HRNR: variants seen among roughly 807,000 people sequenced by gnomAD.
HRNR encodes hornerin, also known as filaggrin family member 3.
In HRNR, 7 loss-of-function variants were observed where a neutral mutation model predicts 4.8. That is an observed-to-expected ratio of 1.47 (90% confidence interval 0.83 to 2.75). The LOEUF (loss-of-function observed/expected upper bound fraction) is 2.75, where lower values mean the gene tolerates loss of function less well. Ranked by LOEUF, HRNR falls within the 30% of genes most tolerant of loss-of-function variation. HRNR has a pLI of 0.00. For missense variants in HRNR, 2,879 were observed against 3,010.4 expected (o/e 0.96, Z 1.02); for synonymous variants, 1,023 against 1,242.7 (o/e 0.82, Z 3.72).
chr1:152,222,537 GAC>G (rs1448581012), intron 2 of HRNR, among the ~76,000 whole-genome samples: 1 of 152,140 alleles, frequency 6.6e-6, no homozygotes, highest in Non-Finnish European at 1.5e-5. Flanking sequence ...CTGAGAGAGA[GAC>G]AATAAAAAAT....
At position 152,218,973 on chromosome 1, in the gene HRNR, C is replaced by T. The variant is rs773876409; in HGVS notation, c.2656G>A (p.Gly886Arg). The change falls in exon 3 of 3, where the codon GGA becomes AGA. Residue 886 changes from glycine to arginine, a missense_variant. Gly to Arg is a moderately radical substitution (Grantham distance 125, BLOSUM62 -2). This residue lies in a region of HRNR where 2,646 missense variants were observed against 1,377.7 expected (regional missense o/e 1.92). Coordinates refer to ENST00000368801, the MANE Select transcript of HRNR (RefSeq NM_001009931.3). ...HASGRGRHGS[G>R]SGQSPGHGQR... is the part of the protein sequence containing the mutation. ...CCGTGGCCTGGAGACTGGCCAGATC[C>T]AGAGCCATGTCGGCCGCGGCCCGAA... 21 of 1,608,576 alleles carry T rather than the reference C, an allele frequency of 1.3e-5. No individual in the cohort carries two copies. In the East Asian group the frequency reaches 2.0e-4, roughly 15 times the overall value.
In HRNR at chr1:152,220,532, G is replaced by T. The variant is rs1320029422; in HGVS notation, c.1097C>A (p.Ser366Tyr). Residue 366 changes from serine (S) to tyrosine (Y), a missense_variant, in exon 3 of 3, where the codon TCT (serine) becomes TAT (tyrosine). Physicochemically the swap from Ser to Tyr is moderately radical, Grantham distance 144. Around this residue, in one of 8 missense-constraint regions of HRNR, gnomAD observed 2,646 missense variants for 1,377.7 expected, o/e 1.92. Transcript: ENST00000368801. Reference protein sequence around the residue: ...GQSSGYSKHGSGSGHSSSQGQ... With the variant: ...GQSSGYSKHGYGSGHSSSQGQ... ...CTGGCTAGAGGAGTGACCTGAGCCA[G>T]AACCATGCTTACTATAGCCAGAGGA... The T allele has an allele frequency of 1.2e-6, 2 of 1,611,768 alleles. No homozygotes were observed. The highest frequency in any genetic ancestry group is 1.7e-5 in the Admixed American group (1 of 59,910).
intron 2 of HRNR, among the ~76,000 whole-genome samples, 180 bp downstream of exon 2, chr1:152,222,936 G>A (rs1488393296): frequency 1.3e-5 from 2 of 152,164 alleles, no homozygotes; most frequent in African/African-American, 4.8e-5. Context: ...ACTTCCGTTA[G>A]TTATGCTATG....
chr1:152,223,457 G>C (rs995421256), intron 1 of HRNR, among the ~76,000 whole-genome samples, 179 bp from the exon 2 acceptor site: 2 of 152,236 alleles, frequency 1.3e-5, no homozygotes, highest in African/African-American at 4.8e-5. Context: ...TGTAGCAAGA[G>C]AGTGATGAAA....
rs1351654581 is a variant in HRNR at position 152,220,621 on chromosome 1, G to T, written c.1008C>A (p.Gly336=). The T allele has an allele frequency of 1.2e-6, 2 of 1,612,390 alleles. No homozygotes were observed. Among genetic ancestry groups the T allele is most frequent in the Non-Finnish European group, 8.5e-7 (1 of 1,178,950 alleles). Residue 336 remains glycine (G), a synonymous_variant, in exon 3 of 3, where the codon GGC becomes GGA. Transcript: ENST00000368801. ...TCTGGCCTGAGCCAGACTCATAATG[G>T]CCACGGCTGTAAGAGTAACTTGAGC... ...GSGSSYSYSR[G]HYESGSGQTS... is the part of the protein sequence containing the mutation.
In HRNR at chr1:152,218,766, A is replaced by T; in HGVS notation, c.2863T>A (p.Ser955Thr). ...TQHGSGSGHS[S>T]SYEQHGSRSG... is the part of the protein sequence containing the mutation. ...CTAGAGCCGTGTTGTTCGTAGCTGG[A>T]GGAGTGACCTGAGCCAGATCCATGC... The change falls in exon 3 of 3, where the codon TCC becomes ACC. Residue 955 changes from serine to threonine, a missense_variant. Transcript: ENST00000368801. 2 of 1,613,896 alleles carry T rather than the reference A, an allele frequency of 1.2e-6. No homozygotes were observed. Among genetic ancestry groups the T allele is most frequent in the Non-Finnish European group, 1.7e-6 (2 of 1,179,998 alleles).
In HRNR at chr1:152,218,427, A is replaced by T. The variant is rs1186036807; in HGVS notation, c.3202T>A (p.Ser1068Thr). 5 of 1,613,320 alleles carry T rather than the reference A, an allele frequency of 3.1e-6. No individual in the cohort carries two copies. The highest frequency in any genetic ancestry group is 4.2e-6 in the Non-Finnish European group (5 of 1,179,988). ...GQSSGYGQHG[S>T]SSGHSSTHGQ... is the part of the protein sequence containing the mutation. Reference sequence around the variant, plus strand: ...TGGGTAGAGGAATGACCTGAGCTAGATCCATGTTGACCGTAGCCAGAGGAC... The same window carrying T: ...TGGGTAGAGGAATGACCTGAGCTAGTTCCATGTTGACCGTAGCCAGAGGAC... Residue 1068 changes from serine to threonine, a missense_variant, in exon 3 of 3, where the codon TCT becomes ACT. By Grantham distance (58) the Ser-to-Thr change is moderately conservative. Transcript: ENST00000368801.
At position 152,219,066 on chromosome 1, in the gene HRNR, C is replaced by T. The variant is rs202201629; in HGVS notation, c.2563G>A (p.Gly855Ser). 1.2e-4 allele frequency: 189 copies of T among 1,613,424 alleles called. No individual in the cohort carries two copies. Among genetic ancestry groups the T allele is most frequent in the East Asian group, 3.8e-4 (17 of 44,834 alleles). ...GSTSGQSSSSGQHDSSSGQSS... is the reference protein window; with the variant it reads ...GSTSGQSSSSSQHDSSSGQSS... ...TGACCTGAGCTAGAGTCATGTTGGC[C>T]GGAGCTTGATGACTGCCCTGACGTA... Residue 855 changes from glycine (G) to serine (S), a missense_variant, in exon 3 of 3, where the codon GGC becomes AGC. Transcript: ENST00000368801.
Position 152,219,259 on chromosome 1 carries a change from G to C in HRNR, c.2370C>G (p.Ser790Arg), listed in dbSNP as rs374698370. 94 of 1,613,258 alleles carry C rather than the reference G, an allele frequency of 5.8e-5. No homozygotes were observed. The African/African-American group carries it at 1.2e-3, about 20-fold the overall frequency. Residue 790 changes from serine to arginine, a missense_variant, in exon 3 of 3, where the codon AGC becomes AGG. Ser to Arg is a moderately radical substitution (Grantham distance 110). This residue lies in a region of HRNR where 2,646 missense variants were observed against 1,377.7 expected (regional missense o/e 1.92). Coordinates refer to ENST00000368801, the MANE Select transcript of HRNR (RefSeq NM_001009931.3). ...TTGTGCCAGACCCGTGTTGGCCGTGGCTGGAGGAGTGCCCTGAACTGGACC... is the reference window on the plus strand; with the variant it reads ...TTGTGCCAGACCCGTGTTGGCCGTGCCTGGAGGAGTGCCCTGAACTGGACC... ...RHGSSSGHSS[S>R]HGQHGSGTSC...
rs759584957 is a variant in HRNR at position 152,219,325 on chromosome 1, T to G, written c.2304A>C (p.Gln768His). ...GSHQSSGHGR[Q>H]GSGSGHSPSR... ...TAGGAGAGTGGCCAGATCCAGACCCTTGTCGGCCGTGGCCCGAAGATTGAT... is the reference window on the plus strand; with the variant it reads ...TAGGAGAGTGGCCAGATCCAGACCCGTGTCGGCCGTGGCCCGAAGATTGAT... Residue 768 changes from glutamine (Q) to histidine (H), a missense_variant, in exon 3 of 3, where the codon CAA (glutamine) becomes CAC (histidine). Transcript: ENST00000368801. 6.3e-7 allele frequency: 1 copy of G among 1,597,074 alleles called. No individual in the cohort carries two copies. Among genetic ancestry groups the G allele is most frequent in the Non-Finnish European group, 8.5e-7 (1 of 1,174,174 alleles).
At chr1:152,223,835 AC>A (rs1649082469) in intron 1 of HRNR, among the ~76,000 whole-genome samples, 1 of 152,184 alleles carries the variant, frequency 6.6e-6, no homozygotes, top group Non-Finnish European at 1.5e-5. Flanking sequence ...GCAGGAAGTG[AC>A]CCTCAGACCT....
At position 152,219,536 on chromosome 1, in the gene HRNR, G is replaced by A; in HGVS notation, c.2093C>T (p.Ser698Phe). 1 of 1,613,936 alleles carries A rather than the reference G, an allele frequency of 6.2e-7. No individual in the cohort carries two copies. The highest frequency in any genetic ancestry group is 8.5e-7 in the Non-Finnish European group (1 of 1,180,008). The change falls in exon 3 of 3, where the codon TCT becomes TTT. Residue 698 changes from serine (S) to phenylalanine (F), a missense_variant. By Grantham distance (155) the Ser-to-Phe change is radical. Around this residue, in one of 8 missense-constraint regions of HRNR, gnomAD observed 2,646 missense variants for 1,377.7 expected, o/e 1.92. Coordinates refer to ENST00000368801, the MANE Select transcript of HRNR (RefSeq NM_001009931.3). ...NGPHGSVSGQ[S>F]SGFGHKSGSG... is the part of the protein sequence containing the mutation. ...GCCAGACTTGTGACCAAAGCCGGAA[G>A]ACTGGCCTGAGACAGACCCATGTGG...
In HRNR at chr1:152,219,305, G is replaced by T; in HGVS notation, c.2324C>A (p.Ser775Tyr). The change falls in exon 3 of 3, where the codon TCT becomes TAT. Residue 775 changes from serine to tyrosine, a missense_variant. Ser to Tyr is a moderately radical substitution (Grantham distance 144). Transcript: ENST00000368801. Reference sequence around the variant, plus strand: ...GGACCCATGTCGGACACGGCTAGGAGAGTGGCCAGATCCAGACCCTTGTCG... The same window carrying T: ...GGACCCATGTCGGACACGGCTAGGATAGTGGCCAGATCCAGACCCTTGTCG... ...HGRQGSGSGH[S>Y]PSRVRHGSSS... The T allele has an allele frequency of 1.2e-6, 2 of 1,613,656 alleles. No individual in the cohort carries two copies. Among genetic ancestry groups the T allele is most frequent in the Non-Finnish European group, 1.7e-6 (2 of 1,179,958 alleles).
Position 152,216,006 on chromosome 1 carries a change from C to G in HRNR, c.5623G>C (p.Glu1875Gln), listed in dbSNP as rs1481799247. Residue 1875 changes from glutamate (E) to glutamine (Q), a missense_variant, in exon 3 of 3, where the codon GAG becomes CAG. By Grantham distance (29) the Glu-to-Gln change is conservative. Around this residue, in one of 8 missense-constraint regions of HRNR, gnomAD observed 5 missense variants for 621.9 expected, o/e 0.01. Transcript: ENST00000368801. ...SGQSSGFGHH[E>Q]SSSWQSSGYT... ...CCAGAGGACTGCCATGAGCTAGACTCATGGTGACCAAATCCAGAAGACTGA... is the reference window on the plus strand; with the variant it reads ...CCAGAGGACTGCCATGAGCTAGACTGATGGTGACCAAATCCAGAAGACTGA... 6.2e-7 allele frequency: 1 copy of G among 1,610,050 alleles called. No individual in the cohort carries two copies. The highest frequency in any genetic ancestry group is 8.5e-7 in the Non-Finnish European group (1 of 1,179,120).
Position 152,219,014 on chromosome 1 carries a change from G to A in HRNR, c.2615C>T (p.Ser872Phe). 5 of 1,614,042 alleles carry A rather than the reference G, an allele frequency of 3.1e-6. No individual in the cohort carries two copies. Among genetic ancestry groups the A allele is most frequent in the Non-Finnish European group, 4.2e-6 (5 of 1,180,004 alleles). Residue 872 changes from serine to phenylalanine, a missense_variant, in exon 3 of 3, where the codon TCT (serine) becomes TTT (phenylalanine). Ser to Phe is a radical substitution (Grantham distance 155). Around this residue, in one of 8 missense-constraint regions of HRNR, gnomAD observed 2,646 missense variants for 1,377.7 expected, o/e 1.92. Coordinates refer to ENST00000368801, the MANE Select transcript of HRNR (RefSeq NM_001009931.3). Reference protein sequence around the residue: ...GQSSSYGQHESASHHASGRGR... With the variant: ...GQSSSYGQHEFASHHASGRGR... Reference sequence around the variant, plus strand: ...GCGGCCCGAAGCGTGATGGGAGGCAGACTCATGCTGACCATAGCTGGAAGA... The same window carrying A: ...GCGGCCCGAAGCGTGATGGGAGGCAAACTCATGCTGACCATAGCTGGAAGA...
In HRNR at chr1:152,219,256, G is replaced by A. The variant is rs180934266; in HGVS notation, c.2373C>T (p.His791=). ...AACTTGTGCCAGACCCGTGTTGGCC[G>A]TGGCTGGAGGAGTGCCCTGAACTGG... ...HGSSSGHSSS[H]GQHGSGTSCS... The change falls in exon 3 of 3, where the codon CAC becomes CAT. Residue 791 remains histidine (H), a synonymous_variant. Transcript: ENST00000368801. The A allele has an allele frequency of 4.8e-4, 771 of 1,613,072 alleles. 5 individuals carry two copies. Among genetic ancestry groups the A allele is most frequent in the East Asian group, 3.0e-3 (133 of 44,818 alleles).
In HRNR at chr1:152,219,989, C is replaced by T. The variant is rs769962080; in HGVS notation, c.1640G>A (p.Arg547Gln). 2.3e-5 allele frequency: 37 copies of T among 1,613,578 alleles called. 1 individual carries two copies. The East Asian group carries it at 4.0e-4, about 18-fold the overall frequency. ...SGQSPSPSRGRHESGSRQSSS... is the reference protein window; with the variant it reads ...SGQSPSPSRGQHESGSRQSSS... ...AGACTGCCTGGAACCAGACTCATGT[C>T]GGCCACGGCTAGGGCTAGGAGACTG... The change falls in exon 3 of 3, where the codon CGA becomes CAA. Residue 547 changes from arginine (R) to glutamine (Q), a missense_variant. Physicochemically the swap from Arg to Gln is conservative, Grantham distance 43. Coordinates refer to ENST00000368801, the MANE Select transcript of HRNR (RefSeq NM_001009931.3).
At position 152,221,444 on chromosome 1, in the gene HRNR, T is replaced by G. The variant is rs150524138; in HGVS notation, c.185A>C (p.Asp62Ala). 8.7e-5 allele frequency: 141 copies of G among 1,612,078 alleles called. No individual in the cohort carries two copies. The highest frequency in any genetic ancestry group is 1.2e-4 in the Non-Finnish European group (136 of 1,178,934). Residue 62 changes from aspartate (D) to alanine (A), a missense_variant, in exon 3 of 3, where the codon GAT becomes GCT. Physicochemically the swap from Asp to Ala is moderately radical, Grantham distance 126. Around this residue, in one of 8 missense-constraint regions of HRNR, gnomAD observed 2,646 missense variants for 1,377.7 expected, o/e 1.92. Transcript: ENST00000368801. ...ATCCACTTTCTTGTTATGGTCTCGA[T>G]CCAGACTTTGCAAGATGATATCCAC... Reference protein sequence around the residue: ...DTVDIILQSLDRDHNKKVDFT... With the variant: ...DTVDIILQSLARDHNKKVDFT...
rs756098604 is a variant in HRNR, at chr1:152,219,504, G to C, written c.2125C>G (p.Gln709Glu). ...SGFGHKSGSG[Q>E]SSGYSQHGSG... ...CCATGCTGACTGTAACCAGAGGACT[G>C]CCCTGAGCCAGACTTGTGACCAAAG... Residue 709 changes from glutamine to glutamate, a missense_variant, in exon 3 of 3, where the codon CAG (glutamine) becomes GAG (glutamate). Physicochemically the swap from Gln to Glu is conservative, Grantham distance 29. Coordinates refer to ENST00000368801, the MANE Select transcript of HRNR (RefSeq NM_001009931.3). The C allele has an allele frequency of 1.9e-6, 3 of 1,613,944 alleles. No homozygotes were observed. The highest frequency in any genetic ancestry group is 2.5e-6 in the Non-Finnish European group (3 of 1,179,992).
Sources: allele counts gnomAD v4.1 joint callset (sites outside exome capture counted in the v4.1 genomes callset), GRCh38; gene constraint gnomAD v4.1.1; regional missense constraint gnomAD v4.1.1; transcripts MANE v1.5; gene names NCBI Gene and HGNC (gene_info 2026-07-23, HGNC 2026-07-21).